PRKCE: variants seen among roughly 807,000 people sequenced by gnomAD.
PRKCE encodes protein kinase C epsilon type.
PRKCE carries 16 observed loss-of-function variants against 85.4 expected under a neutral mutation model. That is an observed-to-expected ratio of 0.19 (90% CI 0.13 to 0.28). The LOEUF (loss-of-function observed/expected upper bound fraction) is 0.28. Among genes scored for constraint, PRKCE ranks in the 10% least tolerant of loss-of-function variants. The pLI is 1.00. For missense variants in PRKCE, 573 were observed against 975.2 expected (o/e 0.59, Z 5.49); for synonymous variants, 388 against 371.5 (o/e 1.04, Z -0.51).
At chr2:45,850,296 A>C (rs1393918910) in intron 2 of PRKCE, among the ~76,000 whole-genome samples, 1 of 152,266 alleles carries the variant, frequency 6.6e-6, no homozygotes, top group Admixed American at 6.5e-5. Context: ...CAGTGAAGAA[A>C]TAAGCTTATT....
intron 2 of PRKCE, among the ~76,000 whole-genome samples, chr2:45,899,205 T>G (rs1696381859): frequency 6.6e-6 from 1 of 152,158 alleles, no homozygotes; most frequent in Admixed American, 6.5e-5. Flanking sequence ...TCAGATGGCC[T>G]TATTCTCTCA....
At chr2:45,752,221 A>T (rs1205130637) in intron 1 of PRKCE, among the ~76,000 whole-genome samples, 7 of 152,220 alleles carry the variant, frequency 4.6e-5, no homozygotes, top group African/African-American at 1.2e-4. Context: ...ACTCATATTT[A>T]ATTTTATTCC....
At chr2:45,780,456 G>A (rs113455428) in intron 1 of PRKCE, among the ~76,000 whole-genome samples, 333 of 152,300 alleles carry the variant, frequency 2.2e-3, no homozygotes, top group Middle Eastern at 6.8e-3. Context: ...AGGTGCTTGA[G>A]CAGAATTAGA....
At chr2:45,912,880 G>A (rs1390983522) in intron 2 of PRKCE, among the ~76,000 whole-genome samples, 2 of 152,066 alleles carry the variant, frequency 1.3e-5, no homozygotes, top group Non-Finnish European at 2.9e-5. Flanking sequence ...TCCAACCCAC[G>A]CCAGAGCCCA....
intron 11 of PRKCE, among the ~76,000 whole-genome samples, chr2:46,101,484 G>C (rs1200946724): frequency 6.6e-6 from 1 of 152,178 alleles, no homozygotes; most frequent in Non-Finnish European, 1.5e-5. Context: ...TGGAGGGAGA[G>C]GGAACACCAA....
At chr2:45,771,117 G>T (rs979849191) in intron 1 of PRKCE, among the ~76,000 whole-genome samples, 1 of 152,152 alleles carries the variant, frequency 6.6e-6, no homozygotes, top group Non-Finnish European at 1.5e-5. Flanking sequence ...GCACTGGGGA[G>T]TAGAGAATGC....
In PRKCE at chr2:45,958,804, ATATATATATATATTTTTTTTTTT is replaced by A. The variant is rs1701161358; in HGVS notation, c.413-17623_413-17601del. ...TGGCCTTTAAAACATATATATATAT[ATATATATATATATTTTTTTTTTT>A]TTTTTTTTTTTTTTTTTTTTTTTTT... is the stretch of plus-strand genomic sequence containing the variant. On this transcript the variant is annotated intron_variant, in intron 2 of 14. Transcript: ENST00000306156. 9.4e-5 allele frequency among the ~76,000 whole-genome samples: 2 copies of A among 21,386 alleles called. 1 individual carries two copies. Among genetic ancestry groups the A allele is most frequent in the Non-Finnish European group, 1.6e-4 (2 of 12,332 alleles). 14.0% of individuals were successfully genotyped at this position (21,386 alleles called of 152,430 possible).
chr2:46,163,704 CACACCCCAAA>C, intron 14 of PRKCE, among the ~76,000 whole-genome samples: 1 of 126,538 alleles, frequency 7.9e-6, no homozygotes, highest in Non-Finnish European at 1.7e-5. Context: ...GAAGCTGAGG[CACACCCCAAA>C]GAGGCCACTG....
intron 2 of PRKCE, among the ~76,000 whole-genome samples, chr2:45,930,064 T>A (rs529154470): frequency 6.6e-6 from 1 of 152,332 alleles, no homozygotes; most frequent in South Asian, 2.1e-4. Flanking sequence ...GTGTGAGAAA[T>A]GAACCCTGCT....
intron 1 of PRKCE, among the ~76,000 whole-genome samples, chr2:45,747,432 C>G (rs1401710294): frequency 6.6e-6 from 1 of 152,222 alleles, no homozygotes; most frequent in Admixed American, 6.5e-5. Flanking sequence ...ACTACTCTAG[C>G]TACCTCACAT....
chr2:45,845,635 T>C (rs1168435473), intron 2 of PRKCE: 1 of 152,200 alleles, frequency 6.6e-6, no homozygotes, highest in Non-Finnish European at 1.5e-5. Context: ...CACCCCCTTC[T>C]TCTAGGATGC....
chr2:45,837,205 G>C (rs571095351), intron 1 of PRKCE, among the ~76,000 whole-genome samples: 1 of 152,338 alleles, frequency 6.6e-6, no homozygotes, highest in South Asian at 2.1e-4. Flanking sequence ...CTGCTGGGCA[G>C]GTGTGGTGTC....
At chr2:45,958,309 A>G (rs1456339504) in intron 2 of PRKCE, among the ~76,000 whole-genome samples, 1 of 151,472 alleles carries the variant, frequency 6.6e-6, no homozygotes, top group Non-Finnish European at 1.5e-5. Context: ...GGGGTTCGAG[A>G]CCAGCCTGGC....
intron 2 of PRKCE, among the ~76,000 whole-genome samples, chr2:45,930,763 T>A (rs2104042026): frequency 6.6e-6 from 1 of 152,342 alleles, no homozygotes; most frequent in East Asian, 1.9e-4. Context: ...AGGTGTCAGA[T>A]CAGGAAGGCT....
At chr2:45,669,191 A>T (rs559376212) in intron 1 of PRKCE, among the ~76,000 whole-genome samples, 1 of 152,160 alleles carries the variant, frequency 6.6e-6, no homozygotes, top group South Asian at 2.1e-4. Flanking sequence ...TTATCATATG[A>T]CTGTGCACAG....
chr2:45,670,617 T>A (rs1348624640), intron 1 of PRKCE, among the ~76,000 whole-genome samples: 1 of 152,234 alleles, frequency 6.6e-6, no homozygotes, highest in African/African-American at 2.4e-5. Flanking sequence ...AATCTAATTT[T>A]AATGAGTACC....
chr2:45,720,222 C>T (rs1387464869), intron 1 of PRKCE, among the ~76,000 whole-genome samples: 1 of 152,112 alleles, frequency 6.6e-6, no homozygotes, highest in Non-Finnish European at 1.5e-5. Context: ...TGGGAGCAGC[C>T]ACTGTCCCAC....
intron 1 of PRKCE, among the ~76,000 whole-genome samples, chr2:45,681,222 G>C (rs1676867051): frequency 7.4e-6 from 1 of 135,172 alleles, no homozygotes. Context: ...CCAGGAGGCA[G>C]AGGTTGCAGT....
At chr2:45,822,021 G>T (rs1689575011) in intron 1 of PRKCE, among the ~76,000 whole-genome samples, 1 of 152,162 alleles carries the variant, frequency 6.6e-6, no homozygotes, top group African/African-American at 2.4e-5. Context: ...GGCGTGGGAG[G>T]ACCTGTAGCC....
Sources: allele counts gnomAD v4.1 joint callset (sites outside exome capture counted in the v4.1 genomes callset), GRCh38; gene constraint gnomAD v4.1.1; transcripts MANE v1.5; gene names NCBI Gene and HGNC (gene_info 2026-07-23, HGNC 2026-07-21).